Variants in EML5 observed in about 807,000 individuals in gnomAD.
EML5 encodes the protein echinoderm microtubule-associated protein-like 5.
In EML5, 120 loss-of-function variants were observed where a neutral mutation model predicts 250.0. That is an observed-to-expected ratio of 0.48 (90% CI 0.41 to 0.56). EML5 has a LOEUF of 0.56. Among genes scored for constraint, EML5 ranks in the 20% least tolerant of loss-of-function variants. EML5 has a pLI of 0.00. For missense variants in EML5, 2,006 were observed against 2,437.6 expected, an observed-to-expected ratio of 0.82 and a Z score of 3.73; for synonymous variants, 771 against 806.5, an observed-to-expected ratio of 0.96 and a Z score of 0.75.
intron 17 of EML5, among the ~76,000 whole-genome samples, chr14:88,691,594 C>G (rs148459038): frequency 6.6e-6 from 1 of 152,246 alleles, no homozygotes; most frequent in East Asian, 1.9e-4. Flanking sequence ...GAGTTCAAAT[C>G]CCTTAGGGGA....
rs112014467 is a variant in EML5, at chr14:88,788,202, G to A, written c.197+4105C>T. Among the ~76,000 whole-genome samples the A allele has an allele frequency of 3.5e-3, 531 of 152,108 alleles. 3 individuals carry two copies. Among genetic ancestry groups the A allele is most frequent in the African/African-American group, 0.011 (448 of 41,478 alleles). On this transcript the variant is annotated intron_variant, in intron 1 of 43. Transcript: ENST00000554922. ...TAAACACAAAAAAAATCTATCTACC[G>A]TGCAAATGTTATTCTGAATCGCTTT...
intron 28 of EML5, among the ~76,000 whole-genome samples, chr14:88,649,043 C>T (rs1270967374): frequency 2.6e-5 from 4 of 151,688 alleles, no homozygotes; most frequent in African/African-American, 7.3e-5. Flanking sequence ...CCACCCCCCA[C>T]CCCCGAAACA....
At chr14:88,633,141 C>T (rs548900246) in intron 33 of EML5, among the ~76,000 whole-genome samples, 174 of 152,270 alleles carry the variant, frequency 1.1e-3, no homozygotes, top group African/African-American at 3.9e-3. Flanking sequence ...CAGATCATGC[C>T]TCAGCTATCT....
chr14:88,792,202 G>T lies in EML5; in HGVS notation c.197+105C>A, dbSNP rs1320931474. ...AGAGACAGCTGCGGATTCCCCTCGG[G>T]GTGATGCTCCGTGCAGGAGCGGTCA... On this transcript the variant is annotated intron_variant, in intron 1 of 43. Coordinates refer to ENST00000554922, the MANE Select transcript of EML5 (RefSeq NM_183387.3). This position sits in a 1 kb window ranked among gnomAD's most constrained non-coding sequence, Gnocchi z 6.9. 7.4e-7 allele frequency: 1 copy of T among 1,357,438 alleles called. No individual in the cohort carries two copies. The highest frequency in any genetic ancestry group is 9.9e-7 in the Non-Finnish European group (1 of 1,006,392). The allele number at this position is 1,357,438 out of a possible 1,614,324, so 84.1% of individuals were successfully genotyped here. A position where few individuals can be genotyped will look rare whatever the true frequency, so the allele number is the denominator to read the frequency against.
At chr14:88,741,319 C>G (rs1440762873) in intron 4 of EML5, among the ~76,000 whole-genome samples, 2 of 152,112 alleles carry the variant, frequency 1.3e-5, no homozygotes, top group Non-Finnish European at 2.9e-5. Context: ...TGCTACAGCT[C>G]ACGGTAACTG....
rs751926121 is a variant in EML5, at chr14:88,740,354, A to G, written c.711+33T>C. ...TCTAAGACAAGGTTAAGTAATACACATGAAAGTGTTTAAAATACTTAAATG... is the reference window on the plus strand; with the variant it reads ...TCTAAGACAAGGTTAAGTAATACACGTGAAAGTGTTTAAAATACTTAAATG... On this transcript the variant is annotated intron_variant, in intron 5 of 43. Transcript: ENST00000554922. 71 of 1,559,850 alleles carry G rather than the reference A, an allele frequency of 4.6e-5. 1 individual carries two copies. In the South Asian group the frequency reaches 6.2e-4, roughly 14 times the overall value.
chr14:88,676,890 T>C lies in EML5; in HGVS notation c.3124+5000A>G, dbSNP rs567028259. ...ACAAAAACAAGCAATGGGGAGAGGA[T>C]TTCCTATTTATTTGTTTGTTTGTAT... On this transcript the variant is annotated intron_variant, in intron 21 of 43. Coordinates refer to ENST00000554922, the MANE Select transcript of EML5 (RefSeq NM_183387.3). 6.6e-5 allele frequency among the ~76,000 whole-genome samples: 10 copies of C among 152,076 alleles called. No individual in the cohort carries two copies. In the South Asian group the frequency reaches 2.1e-3, roughly 32 times the overall value.
Position 88,704,904 on chromosome 14 carries a change from T to C in EML5, c.2007A>G (p.Arg669=). 1 of 1,613,314 alleles carries C rather than the reference T, an allele frequency of 6.2e-7. No homozygotes were observed. The highest frequency in any genetic ancestry group is 8.5e-7 in the Non-Finnish European group (1 of 1,179,526). Residue 669 remains arginine (R), a synonymous_variant, in exon 13 of 44, where the codon AGA becomes AGG. Transcript: ENST00000554922. ...GAATACTATTTCCTGGAGCCCGCTCTCTTCTTTTAGAAGTAGCACTTTTTT... is the reference window on the plus strand; with the variant it reads ...GAATACTATTTCCTGGAGCCCGCTCCCTTCTTTTAGAAGTAGCACTTTTTT... ...EKQKSATSKR[R]ERAPGNSIRL...
At position 88,739,852 on chromosome 14, in the gene EML5, G is replaced by A. The variant is rs148220211; in HGVS notation, c.711+535C>T. On this transcript the variant is annotated intron_variant, in intron 5 of 43. Coordinates refer to ENST00000554922, the MANE Select transcript of EML5 (RefSeq NM_183387.3). ...GTAGGAAAACCCAATTAATAGAAAT[G>A]TAATGCACTGAGGACTTTTCTACAC... Among the ~76,000 whole-genome samples, 4 of 152,230 alleles carry A rather than the reference G, an allele frequency of 2.6e-5. No homozygotes were observed. The East Asian group carries it at 7.7e-4, about 29-fold the overall frequency.
intron 8 of EML5, among the ~76,000 whole-genome samples, chr14:88,723,565 T>C (rs188586182): frequency 1.3e-5 from 2 of 152,310 alleles, no homozygotes; most frequent in African/African-American, 2.4e-5. Flanking sequence ...TAATGTAGAA[T>C]ATACTTGAAA....
intron 26 of EML5, among the ~76,000 whole-genome samples, chr14:88,657,825 A>T (rs891866020): frequency 6.6e-6 from 1 of 152,216 alleles, no homozygotes; most frequent in Non-Finnish European, 1.5e-5. Flanking sequence ...TGGTCAAATT[A>T]TGGAGGCTGT....
chr14:88,759,680 T>A (rs1399571642), intron 1 of EML5, among the ~76,000 whole-genome samples: 1 of 56,536 alleles, frequency 1.8e-5, no homozygotes, highest in African/African-American at 1.6e-4. Context: ...CAAGTCACCA[T>A]CTCTTAAAAA....
intron 30 of EML5, 49 bp from the exon 31 acceptor site, chr14:88,643,071 T>C: frequency 1.3e-6 from 2 of 1,510,396 alleles, no homozygotes; most frequent in Non-Finnish European, 1.8e-6. Context: ...TGTATAAATG[T>C]TCACCACTGT....
intron 27 of EML5, among the ~76,000 whole-genome samples, chr14:88,655,956 G>A (rs567946616): frequency 6.6e-6 from 1 of 152,266 alleles, no homozygotes; most frequent in Non-Finnish European, 1.5e-5. Context: ...TCATTAAAAA[G>A]TCAGGAAACA....
At chr14:88,758,513 G>A (rs1220320451) in intron 1 of EML5, among the ~76,000 whole-genome samples, 1 of 152,084 alleles carries the variant, frequency 6.6e-6, no homozygotes, top group African/African-American at 2.4e-5. Context: ...TATTTTAAAA[G>A]ACAGAAAATA....
At chr14:88,757,214 T>A (rs2094172950) in intron 1 of EML5, among the ~76,000 whole-genome samples, 1 of 152,084 alleles carries the variant, frequency 6.6e-6, no homozygotes, top group Admixed American at 6.6e-5. Context: ...CCAAGACAAT[T>A]CAATGGGGGA....
intron 10 of EML5, among the ~76,000 whole-genome samples, chr14:88,706,697 C>T (rs1308809671): frequency 1.3e-5 from 2 of 152,150 alleles, no homozygotes; most frequent in African/African-American, 2.4e-5. Flanking sequence ...TATATTAAAA[C>T]ATTTGAATGT....
chr14:88,792,413 T>C lies in EML5; in HGVS notation c.91A>G (p.Thr31Ala), dbSNP rs1216971080. ...AAGTATACGATCTCCTTGGCCGCAGTGTAGTAGAGGTTGTTGCGGCACTGG... is the reference window on the plus strand; with the variant it reads ...AAGTATACGATCTCCTTGGCCGCAGCGTAGTAGAGGTTGTTGCGGCACTGG... ...GHQCRNNLYYTAAKEIVYFVA... is the reference protein window; with the variant it reads ...GHQCRNNLYYAAAKEIVYFVA... Residue 31 changes from threonine (T) to alanine (A), a missense_variant, in exon 1 of 44, where the codon ACT becomes GCT. Thr to Ala is a moderately conservative substitution (Grantham distance 58). Around this residue, in one of 7 missense-constraint regions of EML5, gnomAD observed 162 missense variants for 212.2 expected, o/e 0.76. Transcript: ENST00000554922. This position sits in a 1 kb window ranked among gnomAD's most constrained non-coding sequence, Gnocchi z 6.9. 1.3e-6 allele frequency: 2 copies of C among 1,559,610 alleles called. No homozygotes were observed. The highest frequency in any genetic ancestry group is 2.4e-5 in the East Asian group (1 of 41,386).
At position 88,792,713 on chromosome 14, in the gene EML5, G is replaced by A. The variant is rs2094623120; in HGVS notation, c.-210C>T. 1 of 1,103,708 alleles carries A rather than the reference G, an allele frequency of 9.1e-7. No homozygotes were observed. The highest frequency in any genetic ancestry group is 1.1e-6 in the Non-Finnish European group (1 of 907,260). 68.4% of individuals were successfully genotyped at this position (1,103,708 alleles called of 1,614,324 possible). A position where few individuals can be genotyped will look rare whatever the true frequency, so the allele number is the denominator to read the frequency against. The stretch of plus-strand genomic sequence containing the variant: ...AAACCCTCGCCTCGCGGAACATGCT[G>A]AGGGCCGCGAGCGCCGCCGGCTGTC... On this transcript the variant is annotated 5_prime_UTR_variant, in exon 1 of 44. Transcript: ENST00000554922. The surrounding 1 kb of genome is among the most constrained non-coding windows in gnomAD (Gnocchi z 6.9).
Sources: allele counts gnomAD v4.1 joint callset (sites outside exome capture counted in the v4.1 genomes callset), GRCh38; gene constraint gnomAD v4.1.1; regional missense constraint gnomAD v4.1.1; non-coding constraint Gnocchi (gnomAD v3.1); transcripts MANE v1.5; gene names NCBI Gene and HGNC (gene_info 2026-07-23, HGNC 2026-07-21).